The following SPSB3 variants were observed in gnomAD, a reference collection of about 807,000 sequenced individuals.
SPSB3 encodes splA/ryanodine receptor domain and SOCS box containing 3.
In SPSB3, 18 loss-of-function variants were observed where a neutral mutation model predicts 29.5. The ratio of observed to expected loss-of-function variants is 0.61; its 90% CI spans 0.42 to 0.91. The LOEUF is 0.91. Among genes scored for constraint, SPSB3 ranks in the 40% least tolerant of loss-of-function variants. SPSB3 has a pLI of 0.00. For missense variants in SPSB3, 540 were observed against 507.5 expected, an observed-to-expected ratio of 1.06 and a Z score of -0.61; for synonymous variants, 299 against 214.1, an observed-to-expected ratio of 1.40 and a Z score of -3.46.
chr16:1,777,877 G>C lies in SPSB3; in HGVS notation c.596-5C>G. The C allele has an allele frequency of 6.2e-7, 1 of 1,612,196 alleles. No homozygotes were observed. The highest frequency in any genetic ancestry group is 8.5e-7 in the Non-Finnish European group (1 of 1,179,756). On this transcript the variant is annotated splice_polypyrimidine_tract_variant and splice_region_variant and intron_variant, in intron 5 of 6. Transcript: ENST00000566339. ...CGCCCTTGTGGTGGAGGAGGCCTGG[G>C]GGCAGCCAGGGTCGCAGTGAGCCCG...
At chr16:1,781,707 G>A in intron 1 of SPSB3, 1 of 571,432 alleles carries the variant, frequency 1.7e-6, no homozygotes, top group South Asian at 2.2e-5. Flanking sequence ...ACGCCACCCA[G>A]ACACCCATGA....
At chr16:1,779,253 G>T (rs2042758902) in intron 2 of SPSB3, 1 of 152,452 alleles carries the variant, frequency 6.6e-6, no homozygotes, top group Admixed American at 6.5e-5. Context: ...CCACCAGAAC[G>T]TGAGCTCCTT....
chr16:1,780,553 G>A (rs1489666799), intron 2 of SPSB3: 1 of 152,990 alleles, frequency 6.5e-6, no homozygotes. Flanking sequence ...TGGCCTCCCT[G>A]AGCAAGTGCA....
rs1221335262 is a variant in SPSB3, at chr16:1,778,209, C to T, written c.417G>A (p.Arg139=). 1.2e-6 allele frequency: 2 copies of T among 1,612,846 alleles called. No homozygotes were observed. The highest frequency in any genetic ancestry group is 1.7e-6 in the Non-Finnish European group (2 of 1,179,984). The change falls in exon 4 of 7, where the codon CGG becomes CGA. Residue 139 remains arginine, a synonymous_variant. Coordinates refer to ENST00000566339, the MANE Select transcript of SPSB3 (RefSeq NM_080861.4). ...MEYSCGTAAI[R]GTKELGEGQH... ...GGCCCTCCCCCAGCTCCTTGGTGCC[C>T]CGGATGGCCGCTGTGCCGCAGCTGT...
intron 2 of SPSB3, 140 bp downstream of exon 2, chr16:1,781,218 G>A (rs1377606432): frequency 2.0e-5 from 31 of 1,576,810 alleles, no homozygotes; most frequent in Middle Eastern, 1.7e-4. Context: ...CAGGAGACAG[G>A]CCCAGGTTTG....
chr16:1,781,201 G>A, intron 2 of SPSB3, 157 bp downstream of exon 2: 2 of 1,557,698 alleles, frequency 1.3e-6, no homozygotes, highest in Non-Finnish European at 1.7e-6. Flanking sequence ...ACTGAATGCG[G>A]TGCATCCAGG....
intron 2 of SPSB3, chr16:1,780,307 C>T (rs1896667902): frequency 6.6e-6 from 1 of 152,458 alleles, no homozygotes; most frequent in Non-Finnish European, 1.5e-5. Flanking sequence ...CACACTCCTG[C>T]TCTGGTCCGA....
intron 2 of SPSB3, chr16:1,780,775 C>G (rs1046415277): frequency 2.2e-5 from 4 of 177,836 alleles, no homozygotes; most frequent in African/African-American, 9.6e-5. Context: ...CTCTGTCACC[C>G]AGGCTGGAAC....
At position 1,777,100 on chromosome 16, in the gene SPSB3, G is replaced by C. The variant is rs759320670; in HGVS notation, c.1065C>G (p.Thr355=). The C allele has an allele frequency of 1.2e-6, 2 of 1,610,760 alleles. No individual in the cohort carries two copies. The highest frequency in any genetic ancestry group is 3.3e-5 in the Admixed American group (2 of 59,942). ...RPCQRKRCRR[T] ...GGCAGTTCCACTGGGAAGTCAGTCA[G>C]GTCCGGCGGCAGCGCTTCCTCTGGC... Residue 355 remains threonine (T), a synonymous_variant, in exon 7 of 7, where the codon ACC becomes ACG. Coordinates refer to ENST00000566339, the MANE Select transcript of SPSB3 (RefSeq NM_080861.4).
chr16:1,777,008 G>A lies in SPSB3; in HGVS notation c.*89C>T. 2 of 1,460,208 alleles carry A rather than the reference G, an allele frequency of 1.4e-6. No individual in the cohort carries two copies. Among genetic ancestry groups the A allele is most frequent in the Non-Finnish European group, 1.9e-6 (2 of 1,075,224 alleles). The allele number at this position is 1,460,208 out of a possible 1,614,324, so 90.5% of individuals were successfully genotyped here. A position where few individuals can be genotyped will look rare whatever the true frequency, so the allele number is the denominator to read the frequency against. ...ACGGGCCTCATCCAACTCCGCCCTG[G>A]AGTGTGGCTGGAAGGAAGGGACAGA... On this transcript the variant is annotated 3_prime_UTR_variant, in exon 7 of 7. Coordinates refer to ENST00000566339, the MANE Select transcript of SPSB3 (RefSeq NM_080861.4).
At chr16:1,780,999 C>T (rs545268772) in intron 2 of SPSB3, 1 of 449,072 alleles carries the variant, frequency 2.2e-6, no homozygotes, top group Non-Finnish European at 3.8e-6. Context: ...TCCCAAAGTG[C>T]TAGGATTATA....
intron 6 of SPSB3, 27 bp downstream of exon 6, chr16:1,777,720 G>A: frequency 6.2e-7 from 1 of 1,608,436 alleles, no homozygotes; most frequent in Non-Finnish European, 8.5e-7. Context: ...ACAGCTGAGA[G>A]GAGCTCAAGT....
chr16:1,777,678 G>T (rs1168695329), intron 6 of SPSB3, 69 bp downstream of exon 6: 3 of 1,591,622 alleles, frequency 1.9e-6, no homozygotes, highest in East Asian at 4.5e-5. Context: ...TGTCCCCTGG[G>T]CTGGGGCGGG....
At chr16:1,780,257 A>G (rs1470995690) in intron 2 of SPSB3, 3 of 152,396 alleles carry the variant, frequency 2.0e-5, no homozygotes, top group East Asian at 3.8e-4. Flanking sequence ...TCCAGGGCAC[A>G]TGACCTGTGG....
chr16:1,778,334 C>T lies in SPSB3; in HGVS notation c.305-13G>A, dbSNP rs1017887346. ...ACCCAGTCGAAATCTGCAAGAGAGG[C>T]CCAGGCTGGGGCAGCCCTGAGAGCT... On this transcript the variant is annotated splice_polypyrimidine_tract_variant and intron_variant, in intron 3 of 6. Coordinates refer to ENST00000566339, the MANE Select transcript of SPSB3 (RefSeq NM_080861.4). The T allele has an allele frequency of 6.2e-7, 1 of 1,611,826 alleles. No homozygotes were observed. The highest frequency in any genetic ancestry group is 8.5e-7 in the Non-Finnish European group (1 of 1,179,910).
rs1303930219 is a variant in SPSB3 at position 1,777,395 on chromosome 16, C to T, written c.770G>A (p.Cys257Tyr). 3 of 1,587,314 alleles carry T rather than the reference C, an allele frequency of 1.9e-6. No homozygotes were observed. Among genetic ancestry groups the T allele is most frequent in the Non-Finnish European group, 2.6e-6 (3 of 1,169,718 alleles). Residue 257 changes from cysteine (C) to tyrosine (Y), a missense_variant, in exon 7 of 7, where the codon TGC (cysteine) becomes TAC (tyrosine). Transcript: ENST00000566339. ...LQNKRFYPMV[C>Y]STAARSSMKV... ...CATGCTGCTCCGGGCCGCCGTGGAG[C>T]ACACCATCGGGTAGAATCTCTTGTT...
rs764019186 is a variant in SPSB3 at position 1,777,106 on chromosome 16, G to C, written c.1059C>G (p.Arg353=). Reference sequence around the variant, plus strand: ...TCCACTGGGAAGTCAGTCAGGTCCGGCGGCAGCGCTTCCTCTGGCAGGGCC... The same window carrying C: ...TCCACTGGGAAGTCAGTCAGGTCCGCCGGCAGCGCTTCCTCTGGCAGGGCC... ...EPRPCQRKRC[R]RT Residue 353 remains arginine (R), a synonymous_variant, in exon 7 of 7, where the codon CGC becomes CGG. Coordinates refer to ENST00000566339, the MANE Select transcript of SPSB3 (RefSeq NM_080861.4). 2 of 1,611,102 alleles carry C rather than the reference G, an allele frequency of 1.2e-6. No homozygotes were observed. The highest frequency in any genetic ancestry group is 1.7e-6 in the Non-Finnish European group (2 of 1,178,998).
intron 2 of SPSB3, chr16:1,781,116 G>A: frequency 6.9e-7 from 1 of 1,440,664 alleles, no homozygotes; most frequent in East Asian, 2.6e-5. Flanking sequence ...AGAAAGCACA[G>A]TGAAGAATGC....
At position 1,778,032 on chromosome 16, in the gene SPSB3, G is replaced by A. The variant is rs1192606772; in HGVS notation, c.509C>T (p.Thr170Met). The change falls in exon 5 of 7, where the codon ACG becomes ATG. Residue 170 changes from threonine to methionine, a missense_variant. Transcript: ENST00000566339. ...GTATTTGTCCAGGTCCACATCCGAC[G>A]TCCCGATGCCCACCATCTAGGAACA... ...YGTDMMVGIG[T>M]SDVDLDKYRH... is the part of the protein sequence containing the mutation. The A allele has an allele frequency of 5.0e-6, 8 of 1,613,092 alleles. No homozygotes were observed. The highest frequency in any genetic ancestry group is 5.9e-6 in the Non-Finnish European group (7 of 1,180,014).
Sources: gnomAD v4.1 joint callset for allele counts on GRCh38, gnomAD v4.1.1 for gene constraint, MANE v1.5 for transcripts, NCBI Gene and HGNC (gene_info 2026-07-23, HGNC 2026-07-21) for gene names.